The following TNFRSF13B variants were observed in gnomAD, a reference collection of about 807,000 sequenced individuals.
TNFRSF13B encodes the protein TNF receptor superfamily member 13B, also known as tumor necrosis factor receptor superfamily member 13B.
TNFRSF13B carries 34 observed loss-of-function variants against 24.0 expected under a neutral mutation model. The observed-to-expected ratio is 1.41, with a 90% CI of 1.08 to 1.88. The LOEUF is 1.88. TNFRSF13B is among the 40% of genes most tolerant of loss of function. The probability of loss-of-function intolerance (pLI) is 0.00; values close to 1 mark genes in which losing one functional copy is unlikely to be tolerated. For synonymous variants in TNFRSF13B, 173 were observed against 150.3 expected, an observed-to-expected ratio of 1.15 and a Z score of -1.10; for missense variants, 415 against 380.8, an observed-to-expected ratio of 1.09 and a Z score of -0.75.
chr17:16,956,356 A>G (rs1463872790), intron 1 of TNFRSF13B, among the ~76,000 whole-genome samples: 1 of 152,210 alleles, frequency 6.6e-6, no homozygotes, highest in African/African-American at 2.4e-5. Flanking sequence ...TCAAAAAAAT[A>G]TTACAAAGCA....
chr17:16,939,375 C>T lies in TNFRSF13B; in HGVS notation c.*172G>A, dbSNP rs1198964358. 3 of 767,210 alleles carry T rather than the reference C, an allele frequency of 3.9e-6. No individual in the cohort carries two copies. Among genetic ancestry groups the T allele is most frequent in the Admixed American group, 6.6e-5 (2 of 30,336 alleles). The allele number at this position is 767,210 out of a possible 1,614,324, so 47.5% of individuals were successfully genotyped here. On this transcript the variant is annotated 3_prime_UTR_variant, in exon 5 of 5. Coordinates refer to ENST00000261652, the MANE Select transcript of TNFRSF13B (RefSeq NM_012452.3). ...TCTTTCCCTCTCTGCCTCTCTTCCC[C>T]TCTGTCTCTCTCTCCCTCTGTCTCT...
chr17:16,964,260 C>T (rs748235217), intron 1 of TNFRSF13B, among the ~76,000 whole-genome samples: 2 of 151,762 alleles, frequency 1.3e-5, no homozygotes, highest in Non-Finnish European at 2.9e-5. Flanking sequence ...GGCTCTAAGA[C>T]CCCCCTGCCT....
In TNFRSF13B at chr17:16,948,756, C is replaced by CT. The variant is rs1567652201; in HGVS notation, c.426dup (p.Gly143ArgfsTer94). On this transcript the variant is annotated frameshift_variant, in exon 3 of 5. Transcript: ENST00000261652. LOFTEE classifies it high-confidence loss of function. ...GGCTTACCTGGACTTGCTTCTGAGC[C>CT]TCTGTGCTCCAATCCTTGGTACCTT... 6.2e-7 allele frequency: 1 copy of CT among 1,614,136 alleles called. No individual in the cohort carries two copies. The highest frequency in any genetic ancestry group is 1.1e-5 in the South Asian group (1 of 91,084).
intron 1 of TNFRSF13B, among the ~76,000 whole-genome samples, chr17:16,967,751 C>CAAAAAAAAAAAAAAA (rs975103327): frequency 4.1e-5 from 1 of 24,506 alleles, no homozygotes; most frequent in African/African-American, 1.1e-4. Flanking sequence ...GACTCCGTCT[C>CAAAAAAAAAAAAAAA]AAAAAAAAAA....
At chr17:16,946,084 C>A (rs980116022) in intron 3 of TNFRSF13B, among the ~76,000 whole-genome samples, 2 of 152,204 alleles carry the variant, frequency 1.3e-5, no homozygotes, top group African/African-American at 2.4e-5. Context: ...CGGGAGAAAG[C>A]ACACACCTCC....
At chr17:16,943,426 C>T (rs2087525418) in intron 3 of TNFRSF13B, among the ~76,000 whole-genome samples, 1 of 152,166 alleles carries the variant, frequency 6.6e-6, no homozygotes, top group African/African-American at 2.4e-5. Context: ...AGTTCCATGG[C>T]TGATCACATG....
In TNFRSF13B at chr17:16,940,375, G is replaced by T. The variant is rs575942461; in HGVS notation, c.582C>A (p.Ser194=). Residue 194 remains serine, a synonymous_variant, in exon 4 of 5, where the codon TCC becomes TCA. Transcript: ENST00000261652. ...CFLKKRGDPC[S]CQPRSRPRQS... ...GACGGGGCCTTGAGCGGGGCTGGCA[G>T]GAGCAGGGATCCCCCCTCTTCTTGA... 3.0e-5 allele frequency: 48 copies of T among 1,613,928 alleles called. No homozygotes were observed. The highest frequency in any genetic ancestry group is 4.0e-5 in the Non-Finnish European group (47 of 1,180,044).
intron 2 of TNFRSF13B, among the ~76,000 whole-genome samples, chr17:16,950,452 T>C (rs1323967157): frequency 6.6e-6 from 1 of 152,244 alleles, no homozygotes; most frequent in African/African-American, 2.4e-5. Context: ...TCCGTTCTTG[T>C]GTCTTTGACA....
chr17:16,946,506 C>T (rs1230235049), intron 3 of TNFRSF13B, among the ~76,000 whole-genome samples: 1 of 152,092 alleles, frequency 6.6e-6, no homozygotes, highest in Non-Finnish European at 1.5e-5. Flanking sequence ...CTTGCCATGT[C>T]CAAAGTGGCC....
chr17:16,941,621 A>G (rs983023761), intron 3 of TNFRSF13B: 13 of 976,206 alleles, frequency 1.3e-5, no homozygotes, highest in Non-Finnish European at 1.6e-5. Flanking sequence ...AAATACTGAG[A>G]ATTTGTATAC....
chr17:16,949,903 C>T (rs1394409186), intron 2 of TNFRSF13B, among the ~76,000 whole-genome samples: 1 of 151,972 alleles, frequency 6.6e-6, no homozygotes, highest in Non-Finnish European at 1.5e-5. Flanking sequence ...CCAGGCTGGT[C>T]GTGAACTCCT....
At chr17:16,946,655 T>C (rs1001639547) in intron 3 of TNFRSF13B, among the ~76,000 whole-genome samples, 3 of 152,096 alleles carry the variant, frequency 2.0e-5, no homozygotes, top group Admixed American at 6.5e-5. Context: ...AGGCACGATC[T>C]TGGCTCACTG....
intron 1 of TNFRSF13B, among the ~76,000 whole-genome samples, chr17:16,968,724 T>G (rs916408285): frequency 8.5e-5 from 13 of 152,228 alleles, no homozygotes; most frequent in African/African-American, 3.1e-4. Context: ...TGAAAAACTT[T>G]TGTGTTCCAA....
chr17:16,957,680 A>G (rs1336324214), intron 1 of TNFRSF13B, among the ~76,000 whole-genome samples: 1 of 152,206 alleles, frequency 6.6e-6, no homozygotes, highest in Non-Finnish European at 1.5e-5. Context: ...TGGCAGCCAG[A>G]AGGTAGTGAA....
Position 16,939,379 on chromosome 17 carries a change from G to GTCTCTCTCTCCC in TNFRSF13B, c.*156_*167dup. On this transcript the variant is annotated 3_prime_UTR_variant, in exon 5 of 5. Coordinates refer to ENST00000261652, the MANE Select transcript of TNFRSF13B (RefSeq NM_012452.3). ...TCCCTCTCTGCCTCTCTTCCCCTCT[G>GTCTCTCTCTCCC]TCTCTCTCTCCCTCTGTCTCTCTCT... 1 of 766,014 alleles carries GTCTCTCTCTCCC rather than the reference G, an allele frequency of 1.3e-6. No homozygotes were observed. The highest frequency in any genetic ancestry group is 1.9e-6 in the Non-Finnish European group (1 of 517,990). 47.5% of individuals were successfully genotyped at this position (766,014 alleles called of 1,614,324 possible).
intron 1 of TNFRSF13B, among the ~76,000 whole-genome samples, chr17:16,959,253 G>A (rs1215069463): frequency 6.6e-6 from 1 of 151,816 alleles, no homozygotes; most frequent in East Asian, 1.9e-4. Flanking sequence ...AATGACAGGG[G>A]AAATTATAAA....
At position 16,941,274 on chromosome 17, in the gene TNFRSF13B, C is replaced by T. The variant is rs530836125; in HGVS notation, c.446-763G>A. On this transcript the variant is annotated intron_variant, in intron 3 of 4. Transcript: ENST00000261652. ...CCACTGTGTTTGAGAGTAGGACAGG[C>T]GACGTTACACTGAGACCAGGACAGC... 1.3e-3 allele frequency: 1,271 copies of T among 987,724 alleles called. 2 individuals carry two copies. The highest frequency in any genetic ancestry group is 1.4e-3 in the Non-Finnish European group (1,199 of 830,288). 61.2% of individuals were successfully genotyped at this position (987,724 alleles called of 1,614,324 possible). A position where few individuals can be genotyped will look rare whatever the true frequency, so the allele number is the denominator to read the frequency against.
At chr17:16,958,028 T>TA in intron 1 of TNFRSF13B, among the ~76,000 whole-genome samples, 1 of 152,110 alleles carries the variant, frequency 6.6e-6, no homozygotes, top group Non-Finnish European at 1.5e-5. Context: ...GGCAATGAGT[T>TA]AAACAGTGAT....
rs56387335 is a variant in TNFRSF13B, at chr17:16,940,251, A to G, written c.631+75T>C. 9.3e-6 allele frequency: 15 copies of G among 1,611,256 alleles called. No homozygotes were observed. In the East Asian group the frequency reaches 2.9e-4, roughly 31 times the overall value. ...TCTCCACCTAGAAGCAGGGGCAGTG[A>G]CAGGACCGAGGGATGGCCCGAGGCT... On this transcript the variant is annotated intron_variant, in intron 4 of 4. Transcript: ENST00000261652.
Sources: gnomAD v4.1 joint callset for allele counts (sites outside exome capture counted in the v4.1 genomes callset) on GRCh38, gnomAD v4.1.1 for gene constraint, MANE v1.5 for transcripts, NCBI Gene and HGNC (gene_info 2026-07-23, HGNC 2026-07-21) for gene names.